The following ZBTB17 variants were observed in gnomAD, a reference collection of about 807,000 sequenced individuals.
ZBTB17 encodes the protein zinc finger and BTB domain containing 17.
ZBTB17 carries 24 observed loss-of-function variants against 85.1 expected under a neutral mutation model. That is an observed-to-expected ratio of 0.28 (90% CI 0.20 to 0.40). The LOEUF is 0.40. Ranked by LOEUF, ZBTB17 falls within the 10% of genes least tolerant of loss-of-function variation. The pLI is 1.00. For missense variants in ZBTB17, 743 were observed against 1,105.1 expected (o/e 0.67, Z 4.65); for synonymous variants, 464 against 460.2 (o/e 1.01, Z -0.11).
chr1:15,959,798 A>G (rs2072192538), intron 2 of ZBTB17, among the ~76,000 whole-genome samples: 1 of 152,198 alleles, frequency 6.6e-6, no homozygotes, highest in African/African-American at 2.4e-5. Flanking sequence ...AAGACAGAAA[A>G]GAAAGAAAGA....
At chr1:15,949,968 C>T (rs1299747474) in intron 2 of ZBTB17, among the ~76,000 whole-genome samples, 1 of 152,238 alleles carries the variant, frequency 6.6e-6, no homozygotes, top group African/African-American at 2.4e-5. Context: ...TTCAGCGTTG[C>T]TGCTGCTGCC....
At chr1:15,960,781 CTG>C (rs1319488406) in intron 2 of ZBTB17, among the ~76,000 whole-genome samples, 1 of 152,240 alleles carries the variant, frequency 6.6e-6, no homozygotes, top group Non-Finnish European at 1.5e-5. Flanking sequence ...TAAGTAAGAA[CTG>C]GAAATGGATG....
In ZBTB17 at chr1:15,944,756, C is replaced by T. The variant is rs1324032918; in HGVS notation, c.1011G>A (p.Arg337=). 1.9e-6 allele frequency: 3 copies of T among 1,612,734 alleles called. No individual in the cohort carries two copies. Among genetic ancestry groups the T allele is most frequent in the Admixed American group, 1.7e-5 (1 of 59,970 alleles). The change falls in exon 8 of 16, where the codon CGG becomes CGA. Residue 337 remains arginine, a synonymous_variant. Transcript: ENST00000375743. ...IHTGEKPFSC[R]ECSKAFSDPA... The stretch of plus-strand genomic sequence containing the variant: ...GGTCGGAAAAGGCCTTGCTGCACTC[C>T]CGGCACGAGAAGGGCTTCTCCCCCG...
intron 2 of ZBTB17, among the ~76,000 whole-genome samples, chr1:15,954,833 G>A (rs1570153509): frequency 6.6e-6 from 1 of 151,788 alleles, no homozygotes; most frequent in Non-Finnish European, 1.5e-5. Context: ...CTGGGCAATG[G>A]AGCAAGACCC....
At chr1:15,944,185 C>G (rs1470670241) in intron 9 of ZBTB17, 115 bp downstream of exon 9, 1 of 1,398,326 alleles carries the variant, frequency 7.2e-7, no homozygotes, top group East Asian at 2.5e-5. Flanking sequence ...GGTGAACAAG[C>G]TGATGAGCTC....
intron 1 of ZBTB17, among the ~76,000 whole-genome samples, chr1:15,974,531 G>C (rs1426059033): frequency 6.6e-6 from 1 of 150,874 alleles, no homozygotes; most frequent in African/African-American, 2.4e-5. Flanking sequence ...CCTTAACTAG[G>C]TTTACAACGT....
chr1:15,970,370 G>GA (rs35489228), intron 2 of ZBTB17, among the ~76,000 whole-genome samples: 16 of 146,840 alleles, frequency 1.1e-4, no homozygotes, highest in Admixed American at 2.7e-4. Context: ...ACTTAAAGAA[G>GA]AAAAAAAAAA....
rs2071377749 is a variant in ZBTB17, at chr1:15,942,018, A to C, written c.2363T>G (p.Leu788Arg). Residue 788 changes from leucine to arginine, a missense_variant, in exon 16 of 16, where the codon CTG becomes CGG. Leu to Arg is a moderately radical substitution (Grantham distance 102). This residue lies in a region of ZBTB17 where 69 missense variants were observed against 77.0 expected (regional missense o/e 0.90). Transcript: ENST00000375743. ...PRDGAEGQPALAETSPTAPEC... is the reference protein window; with the variant it reads ...PRDGAEGQPARAETSPTAPEC... ...AGGAGCTGTAGGGGAGGTCTCTGCC[A>C]GTGCGGGCTGGCCCTCAGCCCCGTC... 1 of 1,607,670 alleles carries C rather than the reference A, an allele frequency of 6.2e-7. No homozygotes were observed. Among genetic ancestry groups the C allele is most frequent in the Non-Finnish European group, 8.5e-7 (1 of 1,179,576 alleles).
chr1:15,943,540 G>A (rs763190676), intron 11 of ZBTB17, 21 bp from the exon 12 acceptor site: 2 of 1,611,304 alleles, frequency 1.2e-6, no homozygotes, highest in South Asian at 2.2e-5. Context: ...GGCAGAAGGT[G>A]TTGGTGCCTG....
intron 1 of ZBTB17, among the ~76,000 whole-genome samples, chr1:15,974,886 C>G (rs1285612165): frequency 6.6e-6 from 1 of 152,194 alleles, no homozygotes; most frequent in African/African-American, 2.4e-5. Context: ...CAGTCTGCTT[C>G]TTTATTTAGC....
chr1:15,960,981 G>A (rs756831773), intron 2 of ZBTB17, among the ~76,000 whole-genome samples: 2 of 151,416 alleles, frequency 1.3e-5, no homozygotes, highest in Non-Finnish European at 1.5e-5. Flanking sequence ...AGGCGTGCTG[G>A]TGCATGCCTG....
intron 2 of ZBTB17, among the ~76,000 whole-genome samples, chr1:15,968,475 G>C (rs1170399020): frequency 1.3e-5 from 2 of 152,172 alleles, no homozygotes; most frequent in Admixed American, 6.5e-5. Context: ...GATCATAATT[G>C]AGGTGAAAAT....
chr1:15,944,921 C>G lies in ZBTB17; in HGVS notation c.927+16G>C. 1 of 1,565,178 alleles carries G rather than the reference C, an allele frequency of 6.4e-7. No homozygotes were observed. The highest frequency in any genetic ancestry group is 1.9e-5 in the Admixed American group (1 of 53,434). On this transcript the variant is annotated intron_variant, in intron 7 of 15. Transcript: ENST00000375743. ...GAGGGACGCTGGCTGGGAGGGCTGG[C>G]CATAGTCTCCCTCACCTCGCACTTG... is the stretch of plus-strand genomic sequence containing the variant.
chr1:15,943,994 GC>G (rs1481493517), intron 9 of ZBTB17, 99 bp from the exon 10 acceptor site: 7 of 1,255,090 alleles, frequency 5.6e-6, no homozygotes, highest in Non-Finnish European at 8.0e-6. Flanking sequence ...TCTCAGGCTT[GC>G]CAGGGTCCGT....
chr1:15,971,442 ATATATACACACACAC>A (rs2072661416), intron 2 of ZBTB17, among the ~76,000 whole-genome samples: 2 of 84,126 alleles, frequency 2.4e-5, no homozygotes, highest in African/African-American at 4.1e-5. Flanking sequence ...CACACACTAT[ATATATACACACACAC>A]TATATATACA....
At chr1:15,957,838 C>T (rs936163976) in intron 2 of ZBTB17, among the ~76,000 whole-genome samples, 3 of 152,068 alleles carry the variant, frequency 2.0e-5, no homozygotes, top group Admixed American at 6.6e-5. Context: ...GATCTGTGCC[C>T]GGAGACACTG....
At chr1:15,962,893 A>C (rs868684838) in intron 2 of ZBTB17, among the ~76,000 whole-genome samples, 5 of 152,136 alleles carry the variant, frequency 3.3e-5, no homozygotes, top group Non-Finnish European at 5.9e-5. Flanking sequence ...GTGAGCTTTG[A>C]TTGCACCTAT....
rs973297415 is a variant in ZBTB17 at position 15,966,742 on chromosome 1, G to T, written c.-3+6297C>A. On this transcript the variant is annotated intron_variant, in intron 2 of 15. Transcript: ENST00000375743. This position sits in a 1 kb window ranked among gnomAD's most constrained non-coding sequence, Gnocchi z 4.1. ...CCACACACACGCAGCAAGGTTCAAT[G>T]AGCCACAGTACTTACTCTCTGACCT... Among the ~76,000 whole-genome samples, 2 of 152,024 alleles carry T rather than the reference G, an allele frequency of 1.3e-5. No individual in the cohort carries two copies. Among genetic ancestry groups the T allele is most frequent in the Admixed American group, 1.3e-4 (2 of 15,248 alleles).
chr1:15,943,779 G>C, intron 10 of ZBTB17, 29 bp downstream of exon 10: 1 of 1,612,452 alleles, frequency 6.2e-7, no homozygotes, highest in Non-Finnish European at 8.5e-7. Flanking sequence ...GCAGGGGTGT[G>C]AGGGCAGCCA....
Sources: allele counts gnomAD v4.1 joint callset (sites outside exome capture counted in the v4.1 genomes callset), GRCh38; gene constraint gnomAD v4.1.1; regional missense constraint gnomAD v4.1.1; non-coding constraint Gnocchi (gnomAD v3.1); transcripts MANE v1.5; gene names NCBI Gene and HGNC (gene_info 2026-07-23, HGNC 2026-07-21).